GRID2: variants seen among roughly 807,000 people sequenced by gnomAD.
The protein encoded by GRID2 is glutamate ionotropic receptor delta type subunit 2.
Under a neutral mutation model 114.8 loss-of-function variants are expected in GRID2, and 33 were observed. The observed-to-expected ratio is 0.29, with a 90% CI of 0.22 to 0.38. The LOEUF is 0.38. Ranked by LOEUF, GRID2 falls within the 10% of genes least tolerant of loss-of-function variation. The probability of loss-of-function intolerance (pLI) is 1.00; values close to 1 mark genes in which losing one functional copy is unlikely to be tolerated. For missense variants in GRID2, 1,184 were observed against 1,257.7 expected (o/e 0.94, Z 0.89); for synonymous variants, 505 against 449.9 (o/e 1.12, Z -1.55).
Position 93,210,010 on chromosome 4 carries a change from A to T in GRID2, c.789+2553A>T, listed in dbSNP as rs990984179. On this transcript the variant is annotated intron_variant, in intron 5 of 15. Transcript: ENST00000282020. ...GAACTTAAGGATAAATAGACCTTTG[A>T]CAGATGCATAGTTTGCAAAAATTTT... 6.6e-5 allele frequency among the ~76,000 whole-genome samples: 10 copies of T among 151,948 alleles called. 1 individual carries two copies. Among genetic ancestry groups the T allele is most frequent in the Non-Finnish European group, 1.3e-4 (9 of 67,898 alleles).
At chr4:92,651,901 A>G (rs993246828) in intron 2 of GRID2, among the ~76,000 whole-genome samples, 13 of 152,074 alleles carry the variant, frequency 8.5e-5, no homozygotes, top group Non-Finnish European at 1.2e-4. Flanking sequence ...ACAAGGCCAA[A>G]GTTTTCTTTT....
At chr4:92,579,604 T>C (rs537308829) in intron 1 of GRID2, among the ~76,000 whole-genome samples, 152 of 152,144 alleles carry the variant, frequency 1.0e-3, no homozygotes, top group Non-Finnish European at 1.6e-3. Context: ...CTATATCATG[T>C]ATGTTTTAGC....
intron 1 of GRID2, among the ~76,000 whole-genome samples, chr4:92,578,853 A>G (rs1579617956): frequency 6.6e-6 from 1 of 152,252 alleles, no homozygotes; most frequent in East Asian, 1.9e-4. Flanking sequence ...AGATTACTTC[A>G]TCATTAGATC....
intron 2 of GRID2, among the ~76,000 whole-genome samples, chr4:93,020,241 T>C (rs1422208360): frequency 2.0e-5 from 3 of 152,192 alleles, no homozygotes; most frequent in African/African-American, 7.2e-5. Context: ...ATGAAAAAAG[T>C]AATGGTCTAT....
At chr4:93,770,275 A>G (rs1734004002) in intron 15 of GRID2, among the ~76,000 whole-genome samples, 1 of 152,244 alleles carries the variant, frequency 6.6e-6, no homozygotes, top group South Asian at 2.1e-4. Context: ...AACAAAAACC[A>G]ATCTGAATTT....
At chr4:92,792,963 T>C (rs2149366026) in intron 2 of GRID2, among the ~76,000 whole-genome samples, 1 of 151,540 alleles carries the variant, frequency 6.6e-6, no homozygotes, top group Admixed American at 6.6e-5. Context: ...TTGGTAAATC[T>C]AGTATCTTGG....
intron 4 of GRID2, among the ~76,000 whole-genome samples, chr4:93,113,479 G>A (rs552793464): frequency 2.0e-5 from 3 of 152,292 alleles, no homozygotes; most frequent in East Asian, 1.9e-4. Context: ...CAGTGCTCGA[G>A]ATGTAGTTTA....
intron 4 of GRID2, among the ~76,000 whole-genome samples, chr4:93,113,238 A>C (rs1403905114): frequency 2.6e-5 from 4 of 152,186 alleles, no homozygotes; most frequent in Non-Finnish European, 5.9e-5. Context: ...CCTTTTTAAA[A>C]AATGAACTCA....
At chr4:93,682,649 G>C (rs1188372471) in intron 14 of GRID2, among the ~76,000 whole-genome samples, 1 of 152,004 alleles carries the variant, frequency 6.6e-6, no homozygotes, top group South Asian at 2.1e-4. Context: ...GATGAAATTG[G>C]AAATCATCAT....
At chr4:93,800,064 A>T (rs1490854163) in intron 1 of GRID2, among the ~76,000 whole-genome samples, 2 of 152,240 alleles carry the variant, frequency 1.3e-5, no homozygotes, top group Non-Finnish European at 2.9e-5. Flanking sequence ...TAATATGTAG[A>T]GTAGGAGTTG....
chr4:92,925,312 A>G (rs1749722946), intron 2 of GRID2, among the ~76,000 whole-genome samples: 1 of 152,096 alleles, frequency 6.6e-6, no homozygotes, highest in Admixed American at 6.6e-5. Context: ...GAAGAGAATC[A>G]TTTCAGAGAT....
intron 1 of GRID2, among the ~76,000 whole-genome samples, chr4:92,411,837 C>T (rs1042953576): frequency 6.6e-6 from 1 of 151,468 alleles, no homozygotes; most frequent in African/African-American, 2.4e-5. Context: ...TCCCGAGTAG[C>T]TGGGACTACA....
At chr4:93,108,082 G>GC (rs2149348413) in intron 3 of GRID2, among the ~76,000 whole-genome samples, 1 of 152,154 alleles carries the variant, frequency 6.6e-6, no homozygotes, top group African/African-American at 2.4e-5. Context: ...CATTTTCTGA[G>GC]CTGTTGCCTT....
intron 1 of GRID2, among the ~76,000 whole-genome samples, chr4:93,788,065 C>T (rs1045452196): frequency 6.6e-6 from 1 of 151,994 alleles, no homozygotes; most frequent in African/African-American, 2.4e-5. Flanking sequence ...GTCTGTAATC[C>T]CAGCACTTTA....
chr4:92,530,521 AAAAAGAG>A (rs1725289091), intron 1 of GRID2, among the ~76,000 whole-genome samples: 1 of 151,456 alleles, frequency 6.6e-6, no homozygotes, highest in African/African-American at 2.4e-5. Flanking sequence ...AAAAAAAAAA[AAAAAGAG>A]AGACTTCCGA....
chr4:92,500,396 AC>A (rs1282121297), intron 1 of GRID2, among the ~76,000 whole-genome samples: 15 of 152,076 alleles, frequency 9.9e-5, no homozygotes, highest in Non-Finnish European at 4.4e-5. Context: ...TTAAAAAAAA[AC>A]ATATTTTTAT....
intron 13 of GRID2, among the ~76,000 whole-genome samples, chr4:93,566,545 G>A (rs1394154057): frequency 6.6e-6 from 1 of 152,084 alleles, no homozygotes; most frequent in East Asian, 1.9e-4. Flanking sequence ...TGAGGCGGGT[G>A]GATTGCTTGA....
At chr4:92,394,255 T>G (rs915233012) in intron 1 of GRID2, among the ~76,000 whole-genome samples, 1 of 152,162 alleles carries the variant, frequency 6.6e-6, no homozygotes, top group African/African-American at 2.4e-5. Flanking sequence ...CAACTATTTT[T>G]AATCAGTGTC....
chr4:93,676,131 C>T (rs914954390), intron 14 of GRID2, among the ~76,000 whole-genome samples: 3 of 152,202 alleles, frequency 2.0e-5, no homozygotes, highest in African/African-American at 7.2e-5. Context: ...AATGCTAGAA[C>T]AGTTAGATAG....
Sources: gnomAD v4.1 joint callset for allele counts (sites outside exome capture counted in the v4.1 genomes callset) on GRCh38, gnomAD v4.1.1 for gene constraint, MANE v1.5 for transcripts, NCBI Gene and HGNC (gene_info 2026-07-23, HGNC 2026-07-21) for gene names.